The following ABLIM3 variants were observed in gnomAD, a reference collection of about 807,000 sequenced individuals.
ABLIM3 encodes actin binding LIM protein family member 3, also known as actin-binding LIM protein 3.
Under a neutral mutation model 109.5 loss-of-function variants are expected in ABLIM3, and 61 were observed. The ratio of observed to expected loss-of-function variants is 0.56; its 90% CI spans 0.45 to 0.69. ABLIM3 has a LOEUF of 0.69. ABLIM3 is among the 30% of genes least tolerant of loss of function. ABLIM3 has a pLI of 0.00. For missense variants in ABLIM3, 796 were observed against 889.5 expected (o/e 0.89, Z 1.34); for synonymous variants, 300 against 324.8 (o/e 0.92, Z 0.82).
intron 11 of ABLIM3, 65 bp downstream of exon 11, chr5:149,237,668 C>A: frequency 6.3e-7 from 1 of 1,593,690 alleles, no homozygotes; most frequent in South Asian, 1.1e-5. Context: ...GGGTCCCCAG[C>A]CCTCTCCATC....
At position 149,158,602 on chromosome 5, in the gene ABLIM3, A is replaced by G. The variant is rs1754056552; in HGVS notation, c.13+16494A>G. 2.0e-5 allele frequency among the ~76,000 whole-genome samples: 3 copies of G among 152,356 alleles called. No individual in the cohort carries two copies. The South Asian group carries it at 6.2e-4, about 32-fold the overall frequency. On this transcript the variant is annotated intron_variant, in intron 2 of 23. Coordinates refer to ENST00000309868, the MANE Select transcript of ABLIM3 (RefSeq NM_014945.5). ...TAAAAATAAGAAGTCCTTATACTTGACAAGTCTAGTCAACCATCACTAGTA... is the reference window on the plus strand; with the variant it reads ...TAAAAATAAGAAGTCCTTATACTTGGCAAGTCTAGTCAACCATCACTAGTA...
chr5:149,154,453 C>T (rs527385787), intron 2 of ABLIM3, among the ~76,000 whole-genome samples: 167 of 152,324 alleles, frequency 1.1e-3, no homozygotes, highest in African/African-American at 3.8e-3. Flanking sequence ...ATTTCAGGAA[C>T]TGAAGCTCAA....
At chr5:149,186,037 A>C (rs1291612121) in intron 3 of ABLIM3, among the ~76,000 whole-genome samples, 8 of 152,226 alleles carry the variant, frequency 5.3e-5, no homozygotes, top group Non-Finnish European at 8.8e-5. Context: ...CCCCTGAAAA[A>C]AATATTCTCA....
intron 21 of ABLIM3, 40 bp from the exon 22 acceptor site, chr5:149,252,161 G>A (rs1394987191): frequency 1.2e-6 from 2 of 1,612,596 alleles, no homozygotes; most frequent in Non-Finnish European, 1.7e-6. Context: ...AAAGACTGAT[G>A]GGCTCCATTC....
chr5:149,200,086 A>G (rs1018490643), intron 4 of ABLIM3, among the ~76,000 whole-genome samples: 1 of 152,228 alleles, frequency 6.6e-6, no homozygotes, highest in African/African-American at 2.4e-5. Flanking sequence ...TCAGATAAGC[A>G]TCATGATCTG....
At chr5:149,192,738 C>T (rs1400213411) in intron 3 of ABLIM3, among the ~76,000 whole-genome samples, 1 of 151,872 alleles carries the variant, frequency 6.6e-6, no homozygotes, top group Non-Finnish European at 1.5e-5. Flanking sequence ...GTGTATCTAG[C>T]AATGATCATC....
rs6877040 is a variant in ABLIM3, at chr5:149,257,392, A to G, written c.1939-899A>G. On this transcript the variant is annotated intron_variant, in intron 23 of 23. Transcript: ENST00000309868. ...TTCACTGAATCTCCTTCAGCACCCAATTAGCTCATGTAATTGCTACCAACA... is the reference window on the plus strand; with the variant it reads ...TTCACTGAATCTCCTTCAGCACCCAGTTAGCTCATGTAATTGCTACCAACA... 4.1e-3 allele frequency among the ~76,000 whole-genome samples: 628 copies of G among 152,148 alleles called. 7 individuals carry two copies. The highest frequency in any genetic ancestry group is 0.014 in the African/African-American group (588 of 41,516).
chr5:149,250,363 T>C, intron 19 of ABLIM3, 84 bp from the exon 20 acceptor site: 1 of 1,390,492 alleles, frequency 7.2e-7, no homozygotes, highest in South Asian at 1.2e-5. Flanking sequence ...GGGAGCAGTG[T>C]TGGCCATTGG....
intron 18 of ABLIM3, 47 bp from the exon 19 acceptor site, chr5:149,249,768 T>C (rs1231173163): frequency 6.2e-7 from 1 of 1,612,174 alleles, no homozygotes. Flanking sequence ...CTTCACCATG[T>C]TTGTCTTTCC....
At chr5:149,242,413 A>T in intron 14 of ABLIM3, 78 bp from the exon 15 acceptor site, 2 of 1,445,452 alleles carry the variant, frequency 1.4e-6, no homozygotes, top group South Asian at 1.1e-5. Context: ...CAACTGACCA[A>T]GTACTATCTC....
intron 8 of ABLIM3, among the ~76,000 whole-genome samples, chr5:149,221,685 G>A (rs1760667147): frequency 1.3e-5 from 2 of 152,226 alleles, no homozygotes; most frequent in South Asian, 4.2e-4. Context: ...AGGAAATTAG[G>A]TCACTCATTT....
intron 15 of ABLIM3, among the ~76,000 whole-genome samples, chr5:149,242,886 A>G (rs954525443): frequency 1.3e-5 from 2 of 152,336 alleles, no homozygotes; most frequent in Non-Finnish European, 2.9e-5. Context: ...GTTCATTAGA[A>G]TAACAGGGGA....
chr5:149,207,942 C>T (rs995993425), intron 6 of ABLIM3, among the ~76,000 whole-genome samples: 22 of 152,244 alleles, frequency 1.4e-4, no homozygotes, highest in Admixed American at 1.4e-3. Context: ...TAATTATCAG[C>T]ACAGATCCTT....
rs1349266156 is a variant in ABLIM3 at position 149,258,794 on chromosome 5, A to T, written c.*390A>T. On this transcript the variant is annotated 3_prime_UTR_variant, in exon 24 of 24. Coordinates refer to ENST00000309868, the MANE Select transcript of ABLIM3 (RefSeq NM_014945.5). ...CTGATGCTGACCATGTGGTTTCCAC[A>T]CCTTATTGGCCCCAGAGGGGCCCTC... The T allele has an allele frequency of 1.0e-6, 1 of 993,352 alleles. No individual in the cohort carries two copies. Among genetic ancestry groups the T allele is most frequent in the Non-Finnish European group, 1.2e-6 (1 of 835,536 alleles). 61.5% of individuals were successfully genotyped at this position (993,352 alleles called of 1,614,324 possible).
intron 2 of ABLIM3, among the ~76,000 whole-genome samples, chr5:149,154,247 C>A (rs543741191): frequency 6.6e-6 from 1 of 152,294 alleles, no homozygotes; most frequent in Admixed American, 6.5e-5. Flanking sequence ...CAGCCCTGCC[C>A]GTCTGGTGAT....
intron 8 of ABLIM3, among the ~76,000 whole-genome samples, chr5:149,226,620 C>A (rs888499136): frequency 1.3e-5 from 2 of 152,164 alleles, no homozygotes; most frequent in African/African-American, 4.8e-5. Flanking sequence ...CACTGGTGAC[C>A]TGCAGTATCT....
chr5:149,246,815 T>C (rs1355847876), intron 17 of ABLIM3, among the ~76,000 whole-genome samples: 3 of 152,244 alleles, frequency 2.0e-5, no homozygotes, highest in African/African-American at 2.4e-5. Flanking sequence ...TATTTTCACA[T>C]AATGGTAAGC....
At chr5:149,252,066 A>C (rs1753978658) in intron 21 of ABLIM3, 135 bp from the exon 22 acceptor site, 2 of 937,888 alleles carry the variant, frequency 2.1e-6, no homozygotes, top group South Asian at 3.8e-5. Flanking sequence ...AGCAAGGACA[A>C]GGTCTCTGAT....
intron 7 of ABLIM3, 121 bp downstream of exon 7, chr5:149,210,940 C>T (rs918004687): frequency 1.1e-5 from 10 of 874,088 alleles, no homozygotes; most frequent in African/African-American, 6.6e-5. Context: ...CCTCCTCCAC[C>T]TTTGCTTGCT....
Sources: allele counts gnomAD v4.1 joint callset (sites outside exome capture counted in the v4.1 genomes callset), GRCh38; gene constraint gnomAD v4.1.1; transcripts MANE v1.5; gene names NCBI Gene and HGNC (gene_info 2026-07-23, HGNC 2026-07-21).